The following PSMC3IP variants were observed in gnomAD, a reference collection of about 807,000 sequenced individuals.
The protein encoded by PSMC3IP is PSMC3 interacting protein.
In PSMC3IP, 26 loss-of-function variants were observed where a neutral mutation model predicts 34.9. That is an observed-to-expected ratio of 0.74 (90% confidence interval 0.55 to 1.03). The LOEUF is 1.03. Ranked by LOEUF, PSMC3IP falls within the 50% of genes least tolerant of loss-of-function variation. The pLI is 0.00. For synonymous variants in PSMC3IP, 87 were observed against 96.5 expected, an observed-to-expected ratio of 0.90 and a Z score of 0.57; for missense variants, 250 against 263.1, an observed-to-expected ratio of 0.95 and a Z score of 0.34.
Position 42,572,436 on chromosome 17 carries a change from C to CA in PSMC3IP, c.*531dup, listed in dbSNP as rs1491341373. 1 of 454,558 alleles carries CA rather than the reference C, an allele frequency of 2.2e-6. No homozygotes were observed. Among genetic ancestry groups the CA allele is most frequent in the African/African-American group, 2.0e-5 (1 of 50,002 alleles). The allele number at this position is 454,558 out of a possible 1,614,324, so 28.2% of individuals were successfully genotyped here. The stretch of plus-strand genomic sequence containing the variant: ...GCATATCTTGGCCTCTCCCATGTCT[C>CA]AGTGTTGCCTGCATTTCTCCCAGGA... On this transcript the variant is annotated 3_prime_UTR_variant, in exon 8 of 8. Transcript: ENST00000393795.
In PSMC3IP at chr17:42,573,119, C is replaced by A; in HGVS notation, c.585G>T (p.Lys195Asn). The part of the protein sequence containing the change: ...DAILEGYPKS[K>N]KQFFEEVGIE... Reference sequence around the variant, plus strand: ...GAGCTCCACTTACAAAGAACTGCTTCTTGCTCTTGGGGTATCCTTCAAGTA... The same window carrying A: ...GAGCTCCACTTACAAAGAACTGCTTATTGCTCTTGGGGTATCCTTCAAGTA... The change falls in exon 7 of 8, where the codon AAG (lysine) becomes AAT (asparagine). Residue 195 changes from lysine to asparagine, a missense_variant. Coordinates refer to ENST00000393795, the MANE Select transcript of PSMC3IP (RefSeq NM_016556.4). The A allele has an allele frequency of 6.2e-7, 1 of 1,614,268 alleles. No individual in the cohort carries two copies. The highest frequency in any genetic ancestry group is 1.1e-5 in the South Asian group (1 of 91,092).
chr17:42,572,743 A>G lies in PSMC3IP; in HGVS notation c.*225T>C. On this transcript the variant is annotated 3_prime_UTR_variant, in exon 8 of 8. Transcript: ENST00000393795. ...TGTTCCAAGTCTAAATGTTAACCTC[A>G]AGCTACTGCAATTTAGACAATGAAA... 1 of 662,638 alleles carries G rather than the reference A, an allele frequency of 1.5e-6. No individual in the cohort carries two copies. Among genetic ancestry groups the G allele is most frequent in the Admixed American group, 2.0e-5 (1 of 48,884 alleles). 41.0% of individuals were successfully genotyped at this position (662,638 alleles called of 1,614,324 possible).
rs756994228 is a variant in PSMC3IP at position 42,572,833 on chromosome 17, G to A, written c.*135C>T. On this transcript the variant is annotated 3_prime_UTR_variant, in exon 8 of 8. Transcript: ENST00000393795. ...CTACCCAGTGCTCTGGTTTATGCTT[G>A]TCTCCTGACTGCTCTGCTTAAAGGT... The A allele has an allele frequency of 7.5e-6, 8 of 1,067,648 alleles. No homozygotes were observed. The East Asian group carries it at 2.0e-4, about 26-fold the overall frequency. 66.1% of individuals were successfully genotyped at this position (1,067,648 alleles called of 1,614,324 possible). A position where few individuals can be genotyped will look rare whatever the true frequency, so the allele number is the denominator to read the frequency against.
chr17:42,577,770 CG>C (rs2093086547), upstream of PSMC3IP: 2 of 1,541,852 alleles, frequency 1.3e-6, no homozygotes, highest in East Asian at 4.5e-5. Flanking sequence ...GGGCGGGCCT[CG>C]AACGGTGATT....
In PSMC3IP at chr17:42,574,221, AAG is replaced by A; in HGVS notation, c.226-13_226-12del. The stretch of plus-strand genomic sequence containing the variant: ...CATGTCAAACTGGTCCTGCCAGACA[AAG>A]AGGGAAAATACAAGTGAACTGTTGT... On this transcript the variant is annotated splice_polypyrimidine_tract_variant and intron_variant, in intron 3 of 7. Coordinates refer to ENST00000393795, the MANE Select transcript of PSMC3IP (RefSeq NM_016556.4). The A allele has an allele frequency of 4.3e-6, 7 of 1,612,916 alleles. No individual in the cohort carries two copies. The highest frequency in any genetic ancestry group is 5.1e-6 in the Non-Finnish European group (6 of 1,179,412).
At chr17:42,573,755 A>T in intron 4 of PSMC3IP, 132 bp from the exon 5 acceptor site, 5 of 1,506,180 alleles carry the variant, frequency 3.3e-6, no homozygotes, top group Non-Finnish European at 3.6e-6. Context: ...GCCATACAGG[A>T]TTATTTATTC....
Position 42,572,716 on chromosome 17 carries a change from A to G in PSMC3IP, c.*252T>C. Reference sequence around the variant, plus strand: ...ATATTGCCAAATGCTTTCCTTTAGCATTGTTCCAAGTCTAAATGTTAACCT... The same window carrying G: ...ATATTGCCAAATGCTTTCCTTTAGCGTTGTTCCAAGTCTAAATGTTAACCT... On this transcript the variant is annotated 3_prime_UTR_variant, in exon 8 of 8. Transcript: ENST00000393795. The G allele has an allele frequency of 1.7e-6, 1 of 604,026 alleles. No individual in the cohort carries two copies. 37.4% of individuals were successfully genotyped at this position (604,026 alleles called of 1,614,324 possible).
intron 3 of PSMC3IP, chr17:42,576,619 T>TA: frequency 5.6e-6 from 1 of 180,160 alleles, no homozygotes; most frequent in South Asian, 9.8e-5. Context: ...GGCAGCACAG[T>TA]AAGACCCATC....
At position 42,577,437 on chromosome 17, in the gene PSMC3IP, G is replaced by A. The variant is rs534038928; in HGVS notation, c.135+24C>T. 1.6e-4 allele frequency: 256 copies of A among 1,612,964 alleles called. 4 individuals are homozygous for A. The South Asian group carries it at 2.7e-3, about 17-fold the overall frequency. ...TGAATCCAGGGAGTCCGACGGAGAG[G>A]GAATCCCGGGAGAAGGTCCTCACCG... On this transcript the variant is annotated intron_variant, in intron 2 of 7. Coordinates refer to ENST00000393795, the MANE Select transcript of PSMC3IP (RefSeq NM_016556.4).
Position 42,577,292 on chromosome 17 carries a change from T to G in PSMC3IP, c.146A>C (p.Lys49Thr), listed in dbSNP as rs772150419. 1.9e-6 allele frequency: 3 copies of G among 1,614,112 alleles called. No individual in the cohort carries two copies. The highest frequency in any genetic ancestry group is 2.5e-6 in the Non-Finnish European group (3 of 1,179,996). Residue 49 changes from lysine (K) to threonine (T), a missense_variant, in exon 3 of 8, where the codon AAG becomes ACG. Physicochemically the swap from Lys to Thr is moderately conservative, Grantham distance 78. Transcript: ENST00000393795. ...EHGLGKAVVVKTLEQLAQQGK... is the reference protein window; with the variant it reads ...EHGLGKAVVVTTLEQLAQQGK... ...TTGTTGCGCCAGCTGCTCCAGCGTC[T>G]TCACCACCACCTGGCAGAGGAGAGA...
chr17:42,573,203 A>G, intron 6 of PSMC3IP, 37 bp from the exon 7 acceptor site: 1 of 1,614,184 alleles, frequency 6.2e-7, no homozygotes. Context: ...TCAGATGGGC[A>G]GCACTGGGCA....
chr17:42,572,844 G>A lies in PSMC3IP; in HGVS notation c.*124C>T. The A allele has an allele frequency of 1.7e-6, 2 of 1,167,506 alleles. No homozygotes were observed. Among genetic ancestry groups the A allele is most frequent in the Non-Finnish European group, 2.5e-6 (2 of 788,036 alleles). The allele number at this position is 1,167,506 out of a possible 1,614,324, so 72.3% of individuals were successfully genotyped here. A position where few individuals can be genotyped will look rare whatever the true frequency, so the allele number is the denominator to read the frequency against. On this transcript the variant is annotated 3_prime_UTR_variant, in exon 8 of 8. Coordinates refer to ENST00000393795, the MANE Select transcript of PSMC3IP (RefSeq NM_016556.4). ...TCTGGTTTATGCTTGTCTCCTGACT[G>A]CTCTGCTTAAAGGTGAAAGTAGCAG...
chr17:42,573,426 C>T, intron 5 of PSMC3IP, 52 bp downstream of exon 5: 6 of 1,614,214 alleles, frequency 3.7e-6, no homozygotes, highest in East Asian at 4.5e-5. Context: ...TGGGGCTCAG[C>T]CCTGATGTTC....
chr17:42,577,014 G>A (rs2093079590), intron 3 of PSMC3IP, 199 bp downstream of exon 3: 3 of 1,300,868 alleles, frequency 2.3e-6, no homozygotes, highest in Middle Eastern at 2.6e-4. Flanking sequence ...AGAATCTTCT[G>A]TCATCCATCA....
At position 42,574,040 on chromosome 17, in the gene PSMC3IP, C is replaced by T. The variant is rs749145730; in HGVS notation, c.337+59G>A. On this transcript the variant is annotated intron_variant, in intron 4 of 7. Transcript: ENST00000393795. Reference sequence around the variant, plus strand: ...TCATTGAACCATTCATTTAGTAATTCCTGACCTCTAGAATGAACCTAAGCC... The same window carrying T: ...TCATTGAACCATTCATTTAGTAATTTCTGACCTCTAGAATGAACCTAAGCC... 10 of 1,603,172 alleles carry T rather than the reference C, an allele frequency of 6.2e-6. No homozygotes were observed. The African/African-American group carries it at 8.0e-5, about 13-fold the overall frequency.
chr17:42,572,572 G>C lies in PSMC3IP; in HGVS notation c.*396C>G, dbSNP rs1028591913. The C allele has an allele frequency of 4.4e-6, 2 of 453,550 alleles. No homozygotes were observed. The highest frequency in any genetic ancestry group is 4.4e-6 in the Non-Finnish European group (1 of 226,436). 28.1% of individuals were successfully genotyped at this position (453,550 alleles called of 1,614,324 possible). On this transcript the variant is annotated 3_prime_UTR_variant, in exon 8 of 8. Coordinates refer to ENST00000393795, the MANE Select transcript of PSMC3IP (RefSeq NM_016556.4). ...GGGCCCTCCAAATGCTCGTTTTATA[G>C]CAACCTCTCTCTACCCTAGTTCTCC...
intron 3 of PSMC3IP, among the ~76,000 whole-genome samples, chr17:42,575,262 CA>C (rs1214332876): frequency 6.6e-6 from 1 of 152,192 alleles, no homozygotes; most frequent in Non-Finnish European, 1.5e-5. Context: ...CAGAGGCCAG[CA>C]AACTATGGCC....
intron 3 of PSMC3IP, chr17:42,576,996 A>C: frequency 8.6e-7 from 1 of 1,169,030 alleles, no homozygotes; most frequent in Non-Finnish European, 1.2e-6. Context: ...TCTTGGTAGC[A>C]ACAATACAGA....
At chr17:42,577,109 G>C (rs1373747621) in intron 3 of PSMC3IP, 104 bp downstream of exon 3, 1 of 1,577,920 alleles carries the variant, frequency 6.3e-7, no homozygotes, top group African/African-American at 1.3e-5. Flanking sequence ...CCTAAGACAG[G>C]TGAGTTTTCC....
Sources: allele counts gnomAD v4.1 joint callset (sites outside exome capture counted in the v4.1 genomes callset), GRCh38; gene constraint gnomAD v4.1.1; transcripts MANE v1.5; gene names NCBI Gene and HGNC (gene_info 2026-07-23, HGNC 2026-07-21).